The following CRTAC1 variants were observed in gnomAD, a reference collection of about 807,000 sequenced individuals.
The protein encoded by CRTAC1 is cartilage acidic protein 1, also known as acidic secreted protein in cartilage.
A neutral mutation model predicts 67.8 loss-of-function variants in CRTAC1; 37 were observed. The observed-to-expected ratio is 0.55, with a 90% CI of 0.42 to 0.72. The LOEUF (loss-of-function observed/expected upper bound fraction) is 0.72, where lower values mean the gene tolerates loss of function less well. Ranked by LOEUF, CRTAC1 falls within the 30% of genes least tolerant of loss-of-function variation. The pLI is 0.00. For synonymous variants in CRTAC1, 348 were observed against 371.0 expected (o/e 0.94, Z 0.71); for missense variants, 780 against 931.6 (o/e 0.84, Z 2.12).
At position 98,029,945 on chromosome 10, in the gene CRTAC1, G is replaced by C. The variant is rs1212238934; in HGVS notation, c.24+504C>G. ...CACCCAGCGCTGTGCCCGGGAACTC[G>C]GCTTCCCAGGGGAGGAAGAGCCAGC... On this transcript the variant is annotated intron_variant, in intron 1 of 14. Coordinates refer to ENST00000370597, the MANE Select transcript of CRTAC1 (RefSeq NM_018058.7). This position sits in a 1 kb window ranked among gnomAD's most constrained non-coding sequence, Gnocchi z 4.7. Among the ~76,000 whole-genome samples the C allele has an allele frequency of 6.6e-6, 1 of 152,102 alleles. No homozygotes were observed. Among genetic ancestry groups the C allele is most frequent in the Non-Finnish European group, 1.5e-5 (1 of 68,010 alleles).
chr10:97,962,560 A>T (rs1203694781), intron 2 of CRTAC1, among the ~76,000 whole-genome samples: 5 of 152,200 alleles, frequency 3.3e-5, no homozygotes, highest in Admixed American at 6.5e-5. Flanking sequence ...TGCTCTGAAG[A>T]CTGGCAGAAA....
chr10:97,966,413 TTTTC>T (rs1322701660), intron 2 of CRTAC1, among the ~76,000 whole-genome samples: 4 of 152,202 alleles, frequency 2.6e-5, no homozygotes, highest in Non-Finnish European at 5.9e-5. Flanking sequence ...TCCAGTCTGA[TTTTC>T]TTTTTTAAGT....
chr10:97,970,867 C>G (rs2051698987), intron 2 of CRTAC1, among the ~76,000 whole-genome samples: 2 of 152,196 alleles, frequency 1.3e-5, no homozygotes, highest in African/African-American at 4.8e-5. Flanking sequence ...AATCATTCAT[C>G]TATAACAAGT....
At chr10:97,935,948 A>G (rs1554922831) in intron 3 of CRTAC1, among the ~76,000 whole-genome samples, 4 of 152,128 alleles carry the variant, frequency 2.6e-5, no homozygotes, top group Admixed American at 6.5e-5. Context: ...CACCCTGTCC[A>G]TCTCCAGGTT....
intron 4 of CRTAC1, among the ~76,000 whole-genome samples, chr10:97,918,201 A>G (rs1378723455): frequency 6.6e-6 from 1 of 151,918 alleles, no homozygotes; most frequent in Non-Finnish European, 1.5e-5. Context: ...CAGGGGTCCT[A>G]CTTCCCTCGT....
At chr10:97,999,465 G>C (rs957127399) in intron 2 of CRTAC1, among the ~76,000 whole-genome samples, 7 of 152,246 alleles carry the variant, frequency 4.6e-5, no homozygotes, top group African/African-American at 1.7e-4. Flanking sequence ...GCCGCCTGCT[G>C]CCTCTTCCCC....
chr10:97,884,302 C>T lies in CRTAC1; in HGVS notation c.1536G>A (p.Met512Ile), dbSNP rs747634840. The T allele has an allele frequency of 6.4e-6, 10 of 1,553,316 alleles. No individual in the cohort carries two copies. Among genetic ancestry groups the T allele is most frequent in the African/African-American group, 1.4e-5 (1 of 73,166 alleles). Residue 512 changes from methionine (M) to isoleucine (I), a missense_variant, in exon 12 of 15, where the codon ATG becomes ATA. Transcript: ENST00000370597. ...SVEVTWPDGKMVSRNVASGEM... is the reference protein window; with the variant it reads ...SVEVTWPDGKIVSRNVASGEM... Reference sequence around the variant, plus strand: ...CCCCGCTGGCCACGTTCCGGCTCACCATCTTGCCATCTGGCCACGTCACCT... The same window carrying T: ...CCCCGCTGGCCACGTTCCGGCTCACTATCTTGCCATCTGGCCACGTCACCT...
intron 1 of CRTAC1, among the ~76,000 whole-genome samples, chr10:98,018,328 A>G (rs993822957): frequency 6.7e-6 from 1 of 148,734 alleles, no homozygotes; most frequent in Non-Finnish European, 1.5e-5. Flanking sequence ...CTATTCCTTG[A>G]TCTTGTTGGT....
chr10:97,871,991 G>A (rs2136528818), intron 14 of CRTAC1, among the ~76,000 whole-genome samples: 1 of 152,332 alleles, frequency 6.6e-6, no homozygotes, highest in South Asian at 2.1e-4. Flanking sequence ...AGGGGGCAAT[G>A]TTACACACAA....
chr10:98,005,096 A>AT (rs1247445698), intron 2 of CRTAC1, among the ~76,000 whole-genome samples: 7 of 33,014 alleles, frequency 2.1e-4, no homozygotes, highest in African/African-American at 7.6e-4. Flanking sequence ...ATATATATAT[A>AT]TATATTTTTT....
chr10:97,921,793 T>C (rs1188983435), intron 4 of CRTAC1, among the ~76,000 whole-genome samples: 4 of 152,054 alleles, frequency 2.6e-5, no homozygotes, highest in Admixed American at 6.5e-5. Flanking sequence ...AGACTGACCA[T>C]AGGGCTTCTT....
At chr10:97,967,019 G>A (rs1288836873) in intron 2 of CRTAC1, among the ~76,000 whole-genome samples, 1 of 143,258 alleles carries the variant, frequency 7.0e-6, no homozygotes, top group Non-Finnish European at 1.5e-5. Flanking sequence ...CATCCTACAT[G>A]CTTCAGAAGG....
intron 2 of CRTAC1, among the ~76,000 whole-genome samples, chr10:98,007,042 C>T (rs868269499): frequency 1.3e-5 from 2 of 152,132 alleles, no homozygotes; most frequent in Non-Finnish European, 2.9e-5. Context: ...GGCAGTGATC[C>T]TAGCTTTCAT....
intron 2 of CRTAC1, among the ~76,000 whole-genome samples, chr10:97,956,920 C>T (rs1364250502): frequency 6.6e-6 from 1 of 152,058 alleles, no homozygotes; most frequent in Admixed American, 6.6e-5. Context: ...GATCCTCCCA[C>T]CTCAGCCTCC....
intron 1 of CRTAC1, among the ~76,000 whole-genome samples, chr10:98,028,712 A>T (rs140812756): frequency 1.2e-3 from 178 of 152,326 alleles, no homozygotes; most frequent in African/African-American, 4.2e-3. Flanking sequence ...AGTGGAGAGA[A>T]GGTCTTGGGA....
At chr10:97,908,239 C>T in intron 5 of CRTAC1, 92 bp from the exon 6 acceptor site, 1 of 1,392,706 alleles carries the variant, frequency 7.2e-7, no homozygotes, top group Admixed American at 2.0e-5. Context: ...AGGGGAACTG[C>T]AGCAGAGGCT....
At chr10:97,891,619 C>T (rs1257576518) in intron 11 of CRTAC1, among the ~76,000 whole-genome samples, 1 of 152,246 alleles carries the variant, frequency 6.6e-6, no homozygotes, top group East Asian at 1.9e-4. Context: ...TTCTTCTCTG[C>T]CTCTTTCCCC....
chr10:97,955,505 AC>A (rs1241095351), intron 2 of CRTAC1, among the ~76,000 whole-genome samples: 1 of 152,062 alleles, frequency 6.6e-6, no homozygotes, highest in East Asian at 1.9e-4. Flanking sequence ...CTGGACCCAA[AC>A]CTCTTCTCTA....
chr10:97,873,187 T>C (rs2050111625), intron 14 of CRTAC1, among the ~76,000 whole-genome samples: 1 of 152,108 alleles, frequency 6.6e-6, no homozygotes, highest in Non-Finnish European at 1.5e-5. Flanking sequence ...GTGGAGGGTC[T>C]GGATTTCAAG....
Sources: gnomAD v4.1 joint callset for allele counts (sites outside exome capture counted in the v4.1 genomes callset) on GRCh38, gnomAD v4.1.1 for gene constraint, Gnocchi (gnomAD v3.1) non-coding constraint, MANE v1.5 for transcripts, NCBI Gene and HGNC (gene_info 2026-07-23, HGNC 2026-07-21) for gene names.